ARSG: variants seen among roughly 807,000 people sequenced by gnomAD.
The protein encoded by ARSG is ASG.
A neutral mutation model predicts 50.5 loss-of-function variants in ARSG; 37 were observed. The observed-to-expected ratio is 0.73, with a 90% CI of 0.56 to 0.96. ARSG has a LOEUF of 0.96. Among genes scored for constraint, ARSG ranks in the 50% least tolerant of loss-of-function variants. The pLI is 0.00. For synonymous variants in ARSG, 225 were observed against 254.6 expected (o/e 0.88, Z 1.11); for missense variants, 629 against 675.3 (o/e 0.93, Z 0.76).
chr17:68,353,587 C>T (rs558978542), intron 5 of ARSG, among the ~76,000 whole-genome samples: 1 of 152,330 alleles, frequency 6.6e-6, no homozygotes, highest in Non-Finnish European at 1.5e-5. Context: ...GGCTATAGAG[C>T]ATCCTGCTGC....
chr17:68,271,637 C>T lies in ARSG; in HGVS notation c.-552+12211C>T. Reference sequence around the variant, plus strand: ...AGGCTGTATCTCCAGCCAATGCGCTCCTTCAGAGCCATGATTGCTTGAATA... The same window carrying T: ...AGGCTGTATCTCCAGCCAATGCGCTTCTTCAGAGCCATGATTGCTTGAATA... On this transcript the variant is annotated intron_variant, in intron 1 of 11. Coordinates refer to the ARSG transcript ENST00000448504. This position sits in a 1 kb window ranked among gnomAD's most constrained non-coding sequence, Gnocchi z 5.3. The T allele has an allele frequency of 6.2e-7, 1 of 1,612,046 alleles. No homozygotes were observed. The highest frequency in any genetic ancestry group is 1.1e-5 in the South Asian group (1 of 91,040).
intron 11 of ARSG, among the ~76,000 whole-genome samples, chr17:68,407,594 CTAAGT>C (rs2081786779): frequency 6.6e-6 from 1 of 150,508 alleles, no homozygotes; most frequent in African/African-American, 2.4e-5. Context: ...AGGTATATTC[CTAAGT>C]TTTTTTTTTT....
chr17:68,424,215 GAT>G (rs1435687125), downstream of ARSG, among the ~76,000 whole-genome samples: 2 of 152,202 alleles, frequency 1.3e-5, no homozygotes, highest in African/African-American at 4.8e-5. Context: ...CCGCCACTGA[GAT>G]ATAAACTTCA....
intron 1 of ARSG, among the ~76,000 whole-genome samples, chr17:68,291,913 C>G (rs1484823921): frequency 4.0e-5 from 6 of 151,820 alleles, no homozygotes; most frequent in African/African-American, 1.5e-4. Flanking sequence ...GCGCGGCGCT[C>G]GCGGCTGCGG....
chr17:68,418,923 T>C (rs941965395), intron 11 of ARSG, among the ~76,000 whole-genome samples: 2 of 152,124 alleles, frequency 1.3e-5, no homozygotes, highest in Non-Finnish European at 2.9e-5. Flanking sequence ...TCTTGTAATT[T>C]TGAGGGCTAT....
chr17:68,370,304 G>T (rs1443859885), intron 7 of ARSG, 140 bp from the exon 8 acceptor site: 8 of 669,676 alleles, frequency 1.2e-5, no homozygotes, highest in Non-Finnish European at 2.0e-5. Context: ...GTGAGCCACT[G>T]CACTAGGCCC....
the ARSG span, among the ~76,000 whole-genome samples, chr17:68,441,610 A>T: frequency 6.6e-6 from 1 of 152,192 alleles, no homozygotes; most frequent in Non-Finnish European, 1.5e-5. Flanking sequence ...CATGTCACTG[A>T]AGCGCAGCTC....
chr17:68,292,488 C>T (rs2076047582), intron 1 of ARSG, among the ~76,000 whole-genome samples: 2 of 152,218 alleles, frequency 1.3e-5, no homozygotes, highest in Non-Finnish European at 2.9e-5. Flanking sequence ...GTCTCTACCT[C>T]ACATCCCGAG....
chr17:68,259,179 C>G (rs1402765579), upstream of ARSG: 1 of 152,254 alleles, frequency 6.6e-6, no homozygotes, highest in Non-Finnish European at 1.5e-5. Flanking sequence ...CGTCGCTGTC[C>G]CCGGCTGCGC....
intron 11 of ARSG, among the ~76,000 whole-genome samples, chr17:68,402,098 G>T (rs1427193839): frequency 6.6e-6 from 1 of 152,118 alleles, no homozygotes; most frequent in Non-Finnish European, 1.5e-5. Context: ...CAAGTCAAAT[G>T]CCACTTTCAT....
chr17:68,431,981 C>G, the ARSG span, among the ~76,000 whole-genome samples: 1 of 152,114 alleles, frequency 6.6e-6, no homozygotes, highest in East Asian at 1.9e-4. Flanking sequence ...GTGCTCAAAC[C>G]CATGACAACA....
chr17:68,348,693 G>A (rs181571011), intron 4 of ARSG, among the ~76,000 whole-genome samples: 3 of 152,228 alleles, frequency 2.0e-5, no homozygotes, highest in Admixed American at 6.5e-5. Context: ...AAGTAGCTGG[G>A]ACTACAGGTG....
At chr17:68,338,105 G>A (rs2078108557) in intron 2 of ARSG, among the ~76,000 whole-genome samples, 1 of 152,102 alleles carries the variant, frequency 6.6e-6, no homozygotes, top group South Asian at 2.1e-4. Flanking sequence ...TCATTCCAGT[G>A]TTGTGTCATC....
chr17:68,274,147 G>GT, intron 1 of ARSG: 3 of 1,476,930 alleles, frequency 2.0e-6, no homozygotes, highest in Non-Finnish European at 1.9e-6. Context: ...CTTCCTCCAC[G>GT]TCTTGCACAT....
chr17:68,327,562 T>G (rs1183664955), intron 2 of ARSG, among the ~76,000 whole-genome samples: 2 of 152,338 alleles, frequency 1.3e-5, no homozygotes, highest in African/African-American at 4.8e-5. Flanking sequence ...CTCTTCTCTG[T>G]GTCTCTCTGC....
At chr17:68,302,873 G>C (rs891886020) in intron 1 of ARSG, among the ~76,000 whole-genome samples, 4 of 152,182 alleles carry the variant, frequency 2.6e-5, no homozygotes, top group Non-Finnish European at 5.9e-5. Context: ...TTTGTTGACT[G>C]ACGTGGCCGA....
chr17:68,402,243 GTTGT>G lies in ARSG; in HGVS notation c.1303+808_1303+811del, dbSNP rs773705619. 1.4e-4 allele frequency among the ~76,000 whole-genome samples: 21 copies of G among 151,042 alleles called. No homozygotes were observed. In the East Asian group the frequency reaches 1.5e-3, roughly 11 times the overall value. Reference sequence around the variant, plus strand: ...GTTTTTTTTGTTGTTTGTTGTTGTTGTTGTTTGTTTGTTTGTTTTGAGACAGAGT... The same window carrying G: ...GTTTTTTTTGTTGTTTGTTGTTGTTGTTGTTTGTTTGTTTTGAGACAGAGT... On this transcript the variant is annotated intron_variant, in intron 11 of 11. Coordinates refer to ENST00000621439, the MANE Select transcript of ARSG (RefSeq NM_001267727.2).
intron 1 of ARSG, among the ~76,000 whole-genome samples, chr17:68,265,210 A>T (rs2075134381): frequency 1.3e-5 from 2 of 150,878 alleles, no homozygotes; most frequent in Admixed American, 1.3e-4. Context: ...TGTTAGCTAT[A>T]ATGTCGGGCA....
chr17:68,444,395 C>T, the ARSG span: 62 of 1,099,510 alleles, frequency 5.6e-5, no homozygotes, highest in Non-Finnish European at 8.0e-5. Flanking sequence ...AAAAAGCAAA[C>T]ACTGCTTCAC....
Sources: allele counts gnomAD v4.1 joint callset (sites outside exome capture counted in the v4.1 genomes callset), GRCh38; gene constraint gnomAD v4.1.1; non-coding constraint Gnocchi (gnomAD v3.1); transcripts MANE v1.5; gene names NCBI Gene and HGNC (gene_info 2026-07-23, HGNC 2026-07-21).